The following TTC29 variants were observed in gnomAD, a reference collection of about 807,000 sequenced individuals.
TTC29 encodes tetratricopeptide repeat protein 29.
A neutral mutation model predicts 58.1 loss-of-function variants in TTC29; 49 were observed. The ratio of observed to expected loss-of-function variants is 0.84; its 90% confidence interval spans 0.67 to 1.07. The LOEUF (loss-of-function observed/expected upper bound fraction) is 1.07, where lower values mean the gene tolerates loss of function less well. Ranked by LOEUF, TTC29 falls within the 50% of genes least tolerant of loss-of-function variation. TTC29 has a pLI of 0.00. For missense variants in TTC29, 582 were observed against 555.6 expected (o/e 1.05, Z -0.48); for synonymous variants, 209 against 196.8 (o/e 1.06, Z -0.52).
At chr4:146,776,829 G>GC (rs1748136169) in intron 11 of TTC29, among the ~76,000 whole-genome samples, 1 of 152,246 alleles carries the variant, frequency 6.6e-6, no homozygotes, top group Non-Finnish European at 1.5e-5. Context: ...CATTGTGGCA[G>GC]TGGGGCACAG....
chr4:146,708,877 C>T (rs1334669871), intron 11 of TTC29, among the ~76,000 whole-genome samples: 1 of 152,050 alleles, frequency 6.6e-6, no homozygotes, highest in Non-Finnish European at 1.5e-5. Flanking sequence ...ACTATCAGCC[C>T]AGAAACCCAT....
chr4:146,855,507 T>G (rs1384211529), intron 8 of TTC29, among the ~76,000 whole-genome samples: 6 of 152,184 alleles, frequency 3.9e-5, no homozygotes, highest in African/African-American at 4.8e-5. Context: ...TAAATTCATT[T>G]TATTAGTTAT....
chr4:146,730,660 G>T (rs1018614228), intron 11 of TTC29, among the ~76,000 whole-genome samples: 8 of 152,156 alleles, frequency 5.3e-5, no homozygotes, highest in African/African-American at 1.9e-4. Flanking sequence ...TGTGAAGGAA[G>T]AATTTATATG....
intron 6 of TTC29, among the ~76,000 whole-genome samples, chr4:146,894,683 AAAATAAAAT>A (rs1732641549): frequency 9.6e-6 from 1 of 103,750 alleles, no homozygotes; most frequent in Admixed American, 1.0e-4. Flanking sequence ...AGTATAATAA[AAAATAAAAT>A]AAATAAATAA....
At chr4:146,839,535 C>CGTGTGTGTGTGTGT (rs5862775) in intron 8 of TTC29, among the ~76,000 whole-genome samples, 5 of 140,562 alleles carry the variant, frequency 3.6e-5, no homozygotes, top group South Asian at 2.4e-4. Flanking sequence ...TACATGAACT[C>CGTGTGTGTGTGTGT]GTGTGTGTGT....
chr4:146,860,955 A>T (rs528125062), intron 8 of TTC29, among the ~76,000 whole-genome samples: 2 of 152,208 alleles, frequency 1.3e-5, no homozygotes, highest in Non-Finnish European at 2.9e-5. Context: ...AATAAATAAT[A>T]GTAATGGGGT....
At chr4:146,913,640 C>T (rs1412032442) in intron 4 of TTC29, among the ~76,000 whole-genome samples, 4 of 152,092 alleles carry the variant, frequency 2.6e-5, no homozygotes, top group East Asian at 3.9e-4. Flanking sequence ...AGAATCTTGA[C>T]AAGATTCTCT....
At chr4:146,887,393 C>T (rs1246823457) in intron 6 of TTC29, among the ~76,000 whole-genome samples, 1 of 152,030 alleles carries the variant, frequency 6.6e-6, no homozygotes. Flanking sequence ...GTAAGTTTGT[C>T]TAAATGTTAC....
At chr4:146,845,980 G>A (rs1023760951) in intron 8 of TTC29, among the ~76,000 whole-genome samples, 5 of 152,074 alleles carry the variant, frequency 3.3e-5, no homozygotes, top group African/African-American at 9.7e-5. Context: ...CTAGCTCCTC[G>A]TCTTATGTTA....
intron 6 of TTC29, 42 bp from the exon 7 acceptor site, chr4:146,874,970 GA>G (rs1374725920): frequency 1.3e-6 from 2 of 1,541,296 alleles, no homozygotes; most frequent in Non-Finnish European, 1.8e-6. Context: ...CCAGAGGACG[GA>G]ACGTATTTTC....
At chr4:146,739,278 C>A (rs980914475) in intron 11 of TTC29, among the ~76,000 whole-genome samples, 1 of 152,252 alleles carries the variant, frequency 6.6e-6, no homozygotes. Flanking sequence ...TCTGCCTTTA[C>A]TGAGGAAAGA....
At chr4:146,735,219 C>G (rs1561072699) in intron 11 of TTC29, among the ~76,000 whole-genome samples, 1 of 152,034 alleles carries the variant, frequency 6.6e-6, no homozygotes, top group Non-Finnish European at 1.5e-5. Flanking sequence ...GAAAATACCG[C>G]TGAGACCTGT....
chr4:146,929,262 CA>C (rs934267940), intron 4 of TTC29, among the ~76,000 whole-genome samples: 1 of 151,942 alleles, frequency 6.6e-6, no homozygotes, highest in African/African-American at 2.4e-5. Flanking sequence ...GTAAGGTCAA[CA>C]AAAAAATGCT....
At chr4:146,856,709 TA>T (rs1259089794) in intron 8 of TTC29, among the ~76,000 whole-genome samples, 6 of 150,578 alleles carry the variant, frequency 4.0e-5, no homozygotes, top group African/African-American at 1.5e-4. Flanking sequence ...AAAATATTAT[TA>T]ATATGTAAAA....
In TTC29 at chr4:146,903,856, TG is replaced by T. The variant is rs544569927; in HGVS notation, c.401-128del. On this transcript the variant is annotated intron_variant, in intron 5 of 12. Transcript: ENST00000325106. ...AGATGTGATTACCAATTTTAAAAAT[TG>T]GGTCTAAAAGCAAAAATTAATTTAT... 1,582 of 638,432 alleles carry T rather than the reference TG, an allele frequency of 2.5e-3. 6 individuals carry two copies. Among genetic ancestry groups the T allele is most frequent in the Non-Finnish European group, 3.1e-3 (1,338 of 429,864 alleles). The allele number at this position is 638,432 out of a possible 1,614,324, so 39.5% of individuals were successfully genotyped here.
intron 8 of TTC29, among the ~76,000 whole-genome samples, chr4:146,834,758 C>T (rs576266409): frequency 1.4e-4 from 21 of 152,178 alleles, no homozygotes; most frequent in Non-Finnish European, 2.4e-4. Context: ...ATAAAAACAC[C>T]TTGTCTGCTA....
intron 8 of TTC29, among the ~76,000 whole-genome samples, chr4:146,860,385 T>C (rs1265826080): frequency 2.0e-5 from 3 of 152,202 alleles, no homozygotes; most frequent in Non-Finnish European, 4.4e-5. Flanking sequence ...GATACATATC[T>C]TCCATTGTTA....
rs1733720079 is a variant in TTC29 at position 146,909,099 on chromosome 4, G to A, written c.327C>T (p.Pro109=). Residue 109 remains proline (P), a synonymous_variant, in exon 5 of 13, where the codon CCC becomes CCT. Coordinates refer to ENST00000325106, the MANE Select transcript of TTC29 (RefSeq NM_031956.4). ...CCAGTTTATCAGGCTGCTCCTCCAG[G>A]GGCTTCTGCAGCCAGAAGAGGGACC... ...RVRSLFWLQK[P]LEEQPDKLDY... The A allele has an allele frequency of 1.9e-6, 3 of 1,613,724 alleles. No homozygotes were observed. Among genetic ancestry groups the A allele is most frequent in the African/African-American group, 1.3e-5 (1 of 74,882 alleles).
chr4:146,710,575 C>T (rs1022305582), intron 11 of TTC29, among the ~76,000 whole-genome samples: 1 of 152,096 alleles, frequency 6.6e-6, no homozygotes, highest in African/African-American at 2.4e-5. Context: ...CAAAAACACT[C>T]ATTTGGATTA....
Sources: gnomAD v4.1 joint callset for allele counts (sites outside exome capture counted in the v4.1 genomes callset) on GRCh38, gnomAD v4.1.1 for gene constraint, MANE v1.5 for transcripts, NCBI Gene and HGNC (gene_info 2026-07-23, HGNC 2026-07-21) for gene names.